NEK11: variants seen among roughly 807,000 people sequenced by gnomAD.
NEK11 encodes serine/threonine-protein kinase Nek11.
A neutral mutation model predicts 80.7 loss-of-function variants in NEK11; 72 were observed. The ratio of observed to expected loss-of-function variants is 0.89; its 90% CI spans 0.74 to 1.08. The LOEUF (loss-of-function observed/expected upper bound fraction) is 1.08, where lower values mean the gene tolerates loss of function less well. Ranked by LOEUF, NEK11 falls within the 50% of genes least tolerant of loss-of-function variation. NEK11 has a pLI of 0.00. For missense variants in NEK11, 764 were observed against 763.6 expected (o/e 1.00, Z -0.01); for synonymous variants, 251 against 260.7 (o/e 0.96, Z 0.36).
intron 4 of NEK11, among the ~76,000 whole-genome samples, chr3:131,100,383 T>G (rs1255615447): frequency 6.6e-6 from 1 of 151,934 alleles, no homozygotes; most frequent in East Asian, 1.9e-4. Flanking sequence ...GATCACGAGG[T>G]CAGGAGTTGC....
intron 5 of NEK11, among the ~76,000 whole-genome samples, chr3:131,125,858 A>C (rs2083244408): frequency 6.6e-6 from 1 of 152,234 alleles, no homozygotes; most frequent in Non-Finnish European, 1.5e-5. Context: ...ATGTGGCTCA[A>C]GCATTTGCTA....
intron 14 of NEK11, among the ~76,000 whole-genome samples, chr3:131,196,252 A>G (rs2094004464): frequency 6.6e-6 from 1 of 152,138 alleles, no homozygotes; most frequent in South Asian, 2.1e-4. Context: ...ATACAAATGC[A>G]TTGTTTTATT....
intron 14 of NEK11, among the ~76,000 whole-genome samples, chr3:131,211,061 C>T (rs1351458223): frequency 6.6e-6 from 1 of 152,148 alleles, no homozygotes; most frequent in Non-Finnish European, 1.5e-5. Context: ...GCAGTTTCTT[C>T]CTAGCATTGA....
At chr3:131,234,342 G>T (rs2095391598) in intron 15 of NEK11, among the ~76,000 whole-genome samples, 1 of 152,182 alleles carries the variant, frequency 6.6e-6, no homozygotes, top group Non-Finnish European at 1.5e-5. Context: ...ATTTTTACAT[G>T]ATCTGACCTA....
At chr3:131,285,568 T>A (rs1181567441) in intron 17 of NEK11, among the ~76,000 whole-genome samples, 1 of 152,220 alleles carries the variant, frequency 6.6e-6, no homozygotes, top group Middle Eastern at 3.2e-3. Flanking sequence ...CTTCTCTATT[T>A]TGAAAAACAG....
intron 16 of NEK11, 147 bp downstream of exon 16, chr3:131,243,643 C>A (rs2095551866): frequency 4.6e-6 from 3 of 647,674 alleles, no homozygotes; most frequent in Admixed American, 3.2e-5. Context: ...AATGTCTGAC[C>A]CAAAAGCCAG....
chr3:131,315,969 T>C (rs1288222465), intron 17 of NEK11, among the ~76,000 whole-genome samples: 2 of 152,152 alleles, frequency 1.3e-5, no homozygotes, highest in African/African-American at 4.8e-5. Context: ...ATGGTATGCT[T>C]TTATTTTTTT....
chr3:131,194,566 C>A (rs2093926451), intron 14 of NEK11, among the ~76,000 whole-genome samples: 1 of 151,908 alleles, frequency 6.6e-6, no homozygotes, highest in Non-Finnish European at 1.5e-5. Flanking sequence ...TTGAGTGAAG[C>A]CACACAATAT....
At position 131,103,876 on chromosome 3, in the gene NEK11, G is replaced by A. The variant is rs982487794; in HGVS notation, c.337-5927G>A. Among the ~76,000 whole-genome samples the A allele has an allele frequency of 8.5e-5, 13 of 152,234 alleles. 1 individual carries two copies. Among genetic ancestry groups the A allele is most frequent in the Non-Finnish European group, 1.6e-4 (11 of 68,042 alleles). On this transcript the variant is annotated intron_variant, in intron 4 of 17. Coordinates refer to ENST00000383366, the MANE Select transcript of NEK11 (RefSeq NM_024800.5). ...GCTATGCACTGCAGCCCTGGGGAGAGATCAGGGTTTTTGTTCCTTCCCCAC... is the reference window on the plus strand; with the variant it reads ...GCTATGCACTGCAGCCCTGGGGAGAAATCAGGGTTTTTGTTCCTTCCCCAC...
intron 3 of NEK11, among the ~76,000 whole-genome samples, chr3:131,057,808 G>C (rs1336562991): frequency 6.6e-6 from 1 of 151,880 alleles, no homozygotes; most frequent in East Asian, 1.9e-4. Flanking sequence ...AGATGAGTAG[G>C]TTGCAAAAAT....
chr3:131,067,297 G>C (rs1244238269), intron 3 of NEK11, among the ~76,000 whole-genome samples: 1 of 152,188 alleles, frequency 6.6e-6, no homozygotes, highest in Non-Finnish European at 1.5e-5. Flanking sequence ...ACTGAATTTA[G>C]AAACTGGAAT....
chr3:131,119,596 TG>T (rs1403670425), intron 5 of NEK11, among the ~76,000 whole-genome samples: 3 of 152,194 alleles, frequency 2.0e-5, no homozygotes, highest in African/African-American at 7.2e-5. Context: ...TATTATTGTG[TG>T]GGAGTCTAAG....
rs753575550 is a variant in NEK11 at position 131,349,818 on chromosome 3, A to C, written c.*42A>C. Reference sequence around the variant, plus strand: ...AGCAGAAGTTCAAGTGGACAAATTTATGTGAAAATTCATTTAACATATAAG... The same window carrying C: ...AGCAGAAGTTCAAGTGGACAAATTTCTGTGAAAATTCATTTAACATATAAG... On this transcript the variant is annotated 3_prime_UTR_variant, in exon 18 of 18. Transcript: ENST00000383366. 2.5e-5 allele frequency: 37 copies of C among 1,461,990 alleles called. No individual in the cohort carries two copies. Among genetic ancestry groups the C allele is most frequent in the Non-Finnish European group, 3.4e-5 (36 of 1,046,406 alleles). 90.6% of individuals were successfully genotyped at this position (1,461,990 alleles called of 1,614,324 possible).
chr3:131,055,804 T>C (rs1425373752), intron 3 of NEK11, among the ~76,000 whole-genome samples: 1 of 152,246 alleles, frequency 6.6e-6, no homozygotes, highest in Non-Finnish European at 1.5e-5. Flanking sequence ...TGGTAAATGC[T>C]ACTTGGTAGT....
At chr3:131,326,875 G>GTGAT (rs1259788950) in intron 17 of NEK11, among the ~76,000 whole-genome samples, 1 of 152,212 alleles carries the variant, frequency 6.6e-6, no homozygotes, top group Non-Finnish European at 1.5e-5. Context: ...TTTTGGGAAA[G>GTGAT]TGATTAAGTC....
chr3:131,112,172 A>G (rs963414677), intron 5 of NEK11, among the ~76,000 whole-genome samples: 12 of 152,130 alleles, frequency 7.9e-5, no homozygotes, highest in African/African-American at 2.7e-4. Flanking sequence ...AAAAATATTC[A>G]TCTACAGTGG....
At chr3:131,249,283 G>A (rs1295156420) in intron 16 of NEK11, among the ~76,000 whole-genome samples, 2 of 152,054 alleles carry the variant, frequency 1.3e-5, no homozygotes, top group East Asian at 1.9e-4. Context: ...GGGAAGGTAA[G>A]GTGTAGGCTA....
At chr3:131,137,063 G>A (rs2149640256) in intron 7 of NEK11, among the ~76,000 whole-genome samples, 1 of 152,274 alleles carries the variant, frequency 6.6e-6, no homozygotes, top group South Asian at 2.1e-4. Flanking sequence ...TATAAGTAAA[G>A]GGAACAGTGG....
intron 17 of NEK11, among the ~76,000 whole-genome samples, chr3:131,298,051 G>A (rs2096618100): frequency 6.6e-6 from 1 of 152,188 alleles, no homozygotes; most frequent in East Asian, 1.9e-4. Flanking sequence ...GTACCATGCT[G>A]TCTTGGTTAC....
Sources: allele counts gnomAD v4.1 joint callset (sites outside exome capture counted in the v4.1 genomes callset), GRCh38; gene constraint gnomAD v4.1.1; transcripts MANE v1.5; gene names NCBI Gene and HGNC (gene_info 2026-07-23, HGNC 2026-07-21).